The following NHSL2 variants were observed in gnomAD, a reference collection of about 807,000 sequenced individuals.
The protein encoded by NHSL2 is NHS like 2.
A neutral mutation model predicts 53.4 loss-of-function variants in NHSL2; 27 were observed. That is an observed-to-expected ratio of 0.51 (90% CI 0.37 to 0.70). The LOEUF (loss-of-function observed/expected upper bound fraction) is 0.70. Among genes scored for constraint, NHSL2 ranks in the 30% least tolerant of loss-of-function variants. NHSL2 has a pLI of 0.00. For synonymous variants in NHSL2, 408 were observed against 404.1 expected, an observed-to-expected ratio of 1.01 and a Z score of -0.12; for missense variants, 892 against 980.1, an observed-to-expected ratio of 0.91 and a Z score of 1.20.
chrX:71,935,140 C>T (rs1370148919), intron 1 of NHSL2, among the ~76,000 whole-genome samples: 1 of 112,015 alleles, frequency 8.9e-6, no homozygotes, highest in East Asian at 2.8e-4. Context: ...GCACCATTCC[C>T]GGGAGTCCTT....
chrX:71,984,278 A>G (rs1016512670), intron 1 of NHSL2, among the ~76,000 whole-genome samples: 2 of 112,220 alleles, frequency 1.8e-5, no homozygotes, highest in African/African-American at 6.5e-5. Flanking sequence ...TTGAAGATTA[A>G]TAAGTATTCA....
At chrX:72,042,088 G>T (rs111484906) in intron 1 of NHSL2, among the ~76,000 whole-genome samples, 4 of 112,527 alleles carry the variant, frequency 3.6e-5, no homozygotes, top group Non-Finnish European at 5.6e-5. Flanking sequence ...GGCCTACAGT[G>T]GAGACTGGAA....
chrX:72,031,698 T>G (rs1171970121), intron 1 of NHSL2, among the ~76,000 whole-genome samples: 1 of 106,684 alleles, frequency 9.4e-6, no homozygotes, highest in Non-Finnish European at 1.9e-5. Context: ...TCCTGCTTTC[T>G]CGCTCCTTTC....
At position 71,991,818 on chromosome X, in the gene NHSL2, T is replaced by TTCTC. The variant is rs59851052; in HGVS notation, c.280+80481_280+80484dup. ...TATGTCTCTCTGTGTGTCTTTCTCT[T>TTCTC]TCTCTCTCTCTCTCTCTCTCTCTCT... On this transcript the variant is annotated intron_variant, in intron 1 of 7. Coordinates refer to ENST00000633930, the MANE Select transcript of NHSL2 (RefSeq NM_001013627.3). Among the ~76,000 whole-genome samples, 656 of 99,852 alleles carry TTCTC rather than the reference T, an allele frequency of 6.6e-3. 2 individuals carry two copies. The highest frequency in any genetic ancestry group is 0.031 in the South Asian group (63 of 2,052). 86.7% of individuals were successfully genotyped at this position (99,852 alleles called of 115,157 possible). A position where few individuals can be genotyped will look rare whatever the true frequency, so the allele number is the denominator to read the frequency against.
At chrX:72,060,006 A>G (rs1328366377) in intron 1 of NHSL2, among the ~76,000 whole-genome samples, 2 of 111,768 alleles carry the variant, frequency 1.8e-5, no homozygotes, top group Non-Finnish European at 3.8e-5. Flanking sequence ...TACCATAAAT[A>G]GCAGAGTAGG....
chrX:72,068,661 CGTGTGTGT>C (rs1170119620), intron 1 of NHSL2, among the ~76,000 whole-genome samples: 125 of 47,118 alleles, frequency 2.7e-3, no homozygotes, highest in African/African-American at 6.2e-3. Flanking sequence ...TGTGTGTGTG[CGTGTGTGT>C]GTGTGTGAGA....
intron 1 of NHSL2, among the ~76,000 whole-genome samples, chrX:71,981,196 T>C (rs1047740404): frequency 1.1e-4 from 12 of 112,191 alleles, no homozygotes; most frequent in African/African-American, 3.9e-4. Context: ...GTAAAAAACT[T>C]TGTGCTTCAG....
At chrX:71,913,960 T>G (rs772973498) in intron 1 of NHSL2, among the ~76,000 whole-genome samples, 227 of 113,020 alleles carry the variant, frequency 2.0e-3, no homozygotes, top group African/African-American at 7.1e-3. Flanking sequence ...AGGGGTGGAC[T>G]GGGCTAGGCT....
At chrX:71,928,863 G>T in intron 1 of NHSL2, among the ~76,000 whole-genome samples, 1 of 112,026 alleles carries the variant, frequency 8.9e-6, no homozygotes, top group Non-Finnish European at 1.9e-5. Context: ...GGAAGGTTTT[G>T]TCAGGCCAAT....
chrX:72,107,809 T>C (rs1372978131), intron 1 of NHSL2, among the ~76,000 whole-genome samples: 1 of 111,347 alleles, frequency 9.0e-6, no homozygotes, highest in East Asian at 2.8e-4. Flanking sequence ...AGCTGATGAA[T>C]GGTGCTCCTA....
intron 1 of NHSL2, among the ~76,000 whole-genome samples, chrX:72,113,338 G>A (rs184653200): frequency 3.0e-4 from 33 of 111,293 alleles, no homozygotes; most frequent in Admixed American, 2.9e-3. Flanking sequence ...GGGGTGCTCT[G>A]TACACAGCTT....
chrX:71,992,783 A>G (rs111730507), intron 1 of NHSL2, among the ~76,000 whole-genome samples: 9,674 of 111,960 alleles, frequency 0.086, 422 homozygotes, highest in East Asian at 0.28. Flanking sequence ...GCTGTAAGAC[A>G]GCACAGTCGC....
chrX:72,131,706 G>T, intron 1 of NHSL2: 1 of 418,708 alleles, frequency 2.4e-6, no homozygotes, highest in Non-Finnish European at 3.7e-6. Flanking sequence ...AGCTCGGAGG[G>T]CGGCGCTCTG....
intron 1 of NHSL2, among the ~76,000 whole-genome samples, chrX:71,930,341 A>G (rs1031220314): frequency 1.8e-5 from 2 of 112,377 alleles, no homozygotes; most frequent in African/African-American, 6.5e-5. Flanking sequence ...TGACTGGCTC[A>G]TTCTTAGCCT....
At chrX:71,963,974 C>CGTAT (rs2041881763) in intron 1 of NHSL2, among the ~76,000 whole-genome samples, 3 of 47,968 alleles carry the variant, frequency 6.3e-5, no homozygotes, top group African/African-American at 9.0e-5. Flanking sequence ...TATATATATA[C>CGTAT]ATATATATAT....
At position 72,145,951 on chromosome X, in the gene NHSL2, C is replaced by T. The variant is rs753927417; in HGVS notation, c.*2377C>T. The T allele has an allele frequency of 8.9e-6, 1 of 112,989 alleles. No homozygotes were observed. Among genetic ancestry groups the T allele is most frequent in the East Asian group, 2.8e-4 (1 of 3,615 alleles). 9.3% of individuals were successfully genotyped at this position (112,989 alleles called of 1,213,427 possible). A position where few individuals can be genotyped will look rare whatever the true frequency, so the allele number is the denominator to read the frequency against. The stretch of plus-strand genomic sequence containing the variant: ...TATATGCCTGGAATTTTTAGAATAT[C>T]TTCTACATCATCACTGTGGCCCACG... On this transcript the variant is annotated 3_prime_UTR_variant, in exon 8 of 8. Coordinates refer to ENST00000633930, the MANE Select transcript of NHSL2 (RefSeq NM_001013627.3).
rs903609094 is a variant in NHSL2, at chrX:72,129,699, GTCT to G, written c.281-2374_281-2372del. On this transcript the variant is annotated intron_variant, in intron 1 of 7. Coordinates refer to ENST00000633930, the MANE Select transcript of NHSL2 (RefSeq NM_001013627.3). ...TGCAAGATGGTCTGGAATTCTGCAG[GTCT>G]TCTTCAGGTTCTGCAGGTCTGAAAC... 1.7e-5 allele frequency: 11 copies of G among 641,601 alleles called. No homozygotes were observed. The African/African-American group carries it at 2.4e-4, about 14-fold the overall frequency. The allele number at this position is 641,601 out of a possible 1,213,427, so 52.9% of individuals were successfully genotyped here.
At chrX:71,917,045 A>G (rs1369595341) in intron 1 of NHSL2, among the ~76,000 whole-genome samples, 1 of 112,004 alleles carries the variant, frequency 8.9e-6, no homozygotes, top group African/African-American at 3.3e-5. Context: ...CCCTCATTGA[A>G]GTTTTCAAGT....
At chrX:72,031,095 T>G (rs906599825) in intron 1 of NHSL2, among the ~76,000 whole-genome samples, 1 of 111,794 alleles carries the variant, frequency 8.9e-6, no homozygotes, top group African/African-American at 3.3e-5. Context: ...AATTTAACAC[T>G]CGGAAGGAGA....
Sources: allele counts gnomAD v4.1 joint callset (sites outside exome capture counted in the v4.1 genomes callset), GRCh38; gene constraint gnomAD v4.1.1; transcripts MANE v1.5; gene names NCBI Gene and HGNC (gene_info 2026-07-23, HGNC 2026-07-21).